Variants in PIEZO1 observed in about 807,000 individuals in gnomAD.
PIEZO1 encodes piezo type mechanosensitive ion channel component 1 (Er blood group), also known as piezo-type mechanosensitive ion channel component 1.
PIEZO1 carries 296 observed loss-of-function variants against 297.2 expected under a neutral mutation model. The ratio of observed to expected loss-of-function variants is 1.00; its 90% CI spans 0.91 to 1.10. PIEZO1 has a LOEUF of 1.10. Among genes scored for constraint, PIEZO1 ranks in the 50% least tolerant of loss-of-function variants. The pLI is 0.00. For missense variants in PIEZO1, 5,018 were observed against 3,455.5 expected (o/e 1.45, Z -11.34); for synonymous variants, 2,427 against 1,507.5 (o/e 1.61, Z -14.13).
Position 88,719,716 on chromosome 16 carries a change from C to T in PIEZO1, c.6329G>A (p.Arg2110Gln), listed in dbSNP as rs556794769. 28 of 1,551,134 alleles carry T rather than the reference C, an allele frequency of 1.8e-5. No individual in the cohort carries two copies. Among genetic ancestry groups the T allele is most frequent in the South Asian group, 4.8e-5 (4 of 84,082 alleles). The change falls in exon 44 of 51, where the codon CGG becomes CAG. Residue 2110 changes from arginine (R) to glutamine (Q), a missense_variant. Arg to Gln is a conservative substitution (Grantham distance 43, BLOSUM62 1). Coordinates refer to ENST00000301015, the MANE Select transcript of PIEZO1 (RefSeq NM_001142864.4). ...CAGCTCCACCAGGAACGGCACCAGCCGGAACCTGCCCACAGCCAGGGTTCC... is the reference window on the plus strand; with the variant it reads ...CAGCTCCACCAGGAACGGCACCAGCTGGAACCTGCCCACAGCCAGGGTTCC... The part of the protein sequence containing the change: ...HLNLFLFQGF[R>Q]LVPFLVELRA...
At chr16:88,749,625 C>T (rs145507882) in intron 1 of PIEZO1, 146 bp from the exon 2 acceptor site, 15 of 616,590 alleles carry the variant, frequency 2.4e-5, no homozygotes, top group Non-Finnish European at 3.9e-5. Flanking sequence ...GTGGAAGCCG[C>T]CTCGCGCTTC....
chr16:88,741,422 G>A, intron 5 of PIEZO1, 56 bp downstream of exon 5: 1 of 1,424,344 alleles, frequency 7.0e-7, no homozygotes, highest in Non-Finnish European at 9.4e-7. Flanking sequence ...CAAAATGGCT[G>A]AGACCACAGC....
intron 1 of PIEZO1, among the ~76,000 whole-genome samples, chr16:88,761,634 C>G (rs1414981249): frequency 1.1e-4 from 16 of 152,132 alleles, no homozygotes; most frequent in Admixed American, 9.8e-4. Flanking sequence ...TGAACGACCC[C>G]CAGCATGGCA....
intron 1 of PIEZO1, among the ~76,000 whole-genome samples, chr16:88,765,969 G>A (rs994292658): frequency 7.2e-5 from 11 of 152,202 alleles, no homozygotes; most frequent in African/African-American, 1.7e-4. Flanking sequence ...CACTGCACCC[G>A]GCCGCTATCT....
chr16:88,760,019 C>T (rs929071211), intron 1 of PIEZO1, among the ~76,000 whole-genome samples: 3 of 152,206 alleles, frequency 2.0e-5, no homozygotes, highest in African/African-American at 4.8e-5. Context: ...ACTCCTTCTC[C>T]GCGCCAATCC....
intron 22 of PIEZO1, 52 bp downstream of exon 22, chr16:88,731,654 G>A (rs1173916074): frequency 7.0e-7 from 1 of 1,419,860 alleles, no homozygotes; most frequent in African/African-American, 1.4e-5. Flanking sequence ...CACCCCCACG[G>A]GCATCCACAA....
At chr16:88,782,398 C>A (rs952343915) in intron 1 of PIEZO1, among the ~76,000 whole-genome samples, 1 of 152,212 alleles carries the variant, frequency 6.6e-6, no homozygotes, top group Non-Finnish European at 1.5e-5. Flanking sequence ...AGGTGTGAGC[C>A]ATCGCGCCCA....
chr16:88,735,234 G>T lies in PIEZO1; in HGVS notation c.1570C>A (p.Leu524Met). The change falls in exon 13 of 51, where the codon CTG (leucine) becomes ATG (methionine). Residue 524 changes from leucine (L) to methionine (M), a missense_variant. By Grantham distance (15) the Leu-to-Met change is conservative (BLOSUM62 2). Transcript: ENST00000301015. The stretch of plus-strand genomic sequence containing the variant: ...TGGCGCAGCAGGAGCCAGAAGGTCA[G>T]GGTGTAGAGCAACTGTGACAAGCGC... The part of the protein sequence containing the change: ...LDLGAMLLYT[L>M]TFWLLLRQFV... The T allele has an allele frequency of 6.5e-7, 1 of 1,549,956 alleles. No individual in the cohort carries two copies. Among genetic ancestry groups the T allele is most frequent in the Non-Finnish European group, 8.7e-7 (1 of 1,146,496 alleles).
intron 5 of PIEZO1, chr16:88,741,251 G>A (rs562455677): frequency 3.6e-4 from 177 of 493,876 alleles, no homozygotes; most frequent in Admixed American, 1.2e-3. Flanking sequence ...ATGTCGGGGC[G>A]TGGAGGTTTC....
rs765257824 is a variant in PIEZO1, at chr16:88,732,466, G to A, written c.2860C>T (p.Arg954Trp). 96 of 1,549,286 alleles carry A rather than the reference G, an allele frequency of 6.2e-5. No homozygotes were observed. The highest frequency in any genetic ancestry group is 1.7e-4 in the Middle Eastern group (1 of 6,000). Residue 954 changes from arginine (R) to tryptophan (W), a missense_variant, in exon 21 of 51, where the codon CGG (arginine) becomes TGG (tryptophan). Physicochemically the swap from Arg to Trp is moderately radical, Grantham distance 101. Transcript: ENST00000301015. ...IVYRRQEHYR[R>W]QHQLAPLPAQ... ...GGCAGCGGGGCCAGCTGGTGCTGCC[G>A]GCGGTAGTGCTCCTGGCGCCGGTAC... is the stretch of plus-strand genomic sequence containing the variant.
Position 88,736,661 on chromosome 16 carries a change from A to C in PIEZO1, c.1274T>G (p.Val425Gly), listed in dbSNP as rs1905238925. The C allele has an allele frequency of 6.5e-7, 1 of 1,532,370 alleles. No homozygotes were observed. Among genetic ancestry groups the C allele is most frequent in the African/African-American group, 1.4e-5 (1 of 72,960 alleles). The allele number at this position is 1,532,370 out of a possible 1,614,324, so 94.9% of individuals were successfully genotyped here. ...TACCATCATGGCAATGAGCGCGCAC[A>C]CATAGCTCTGGTCCATGATGAGGTG... ...LGHLIMDQSY[V>G]CALIAMMVWS... The change falls in exon 11 of 51, where the codon GTG becomes GGG. Residue 425 changes from valine to glycine, a missense_variant. Coordinates refer to ENST00000301015, the MANE Select transcript of PIEZO1 (RefSeq NM_001142864.4).
intron 1 of PIEZO1, among the ~76,000 whole-genome samples, chr16:88,752,607 G>C (rs1457052390): frequency 1.3e-5 from 2 of 152,098 alleles, no homozygotes; most frequent in Non-Finnish European, 2.9e-5. Flanking sequence ...TGAGGCGGGT[G>C]CAGGGGCTGA....
At position 88,722,983 on chromosome 16, in the gene PIEZO1, G is replaced by C; in HGVS notation, c.4522C>G (p.Leu1508Val). The C allele has an allele frequency of 3.2e-6, 5 of 1,539,126 alleles. No individual in the cohort carries two copies. The African/African-American group carries it at 4.1e-5, about 13-fold the overall frequency. The change falls in exon 34 of 51, where the codon CTG becomes GTG. Residue 1508 changes from leucine to valine, a missense_variant. Coordinates refer to ENST00000301015, the MANE Select transcript of PIEZO1 (RefSeq NM_001142864.4). ...AGRSHVVQRV[L>V]STAQFLWMLG... is the part of the protein sequence containing the mutation. ...ATCCACAGGAACTGCGCCGTGCTCAGCACCCTCTGCACCACATGGCTCCGG... is the reference window on the plus strand; with the variant it reads ...ATCCACAGGAACTGCGCCGTGCTCACCACCCTCTGCACCACATGGCTCCGG...
chr16:88,743,703 C>A, intron 2 of PIEZO1: 1 of 452,008 alleles, frequency 2.2e-6, no homozygotes, highest in Non-Finnish European at 4.5e-6. Flanking sequence ...CCCTGCACAT[C>A]CCTAAGCCTG....
At position 88,726,302 on chromosome 16, in the gene PIEZO1, G is replaced by C. The variant is rs1161897945; in HGVS notation, c.3950C>G (p.Thr1317Ser). Residue 1317 changes from threonine (T) to serine (S), a missense_variant, in exon 27 of 51, where the codon ACC (threonine) becomes AGC (serine). Transcript: ENST00000301015. The part of the protein sequence containing the change: ...YLHVRADLQA[T>S]ALLASRGFAL... ...AGCTTGCCTGGAGGCTAGCAGGGCG[G>C]TGGCCTGGAGGTCGGCCCTGACGTG... 4.5e-6 allele frequency: 7 copies of C among 1,549,516 alleles called. No individual in the cohort carries two copies. The highest frequency in any genetic ancestry group is 5.2e-6 in the Non-Finnish European group (6 of 1,146,560).
At position 88,726,808 on chromosome 16, in the gene PIEZO1, G is replaced by A. The variant is rs1281886813; in HGVS notation, c.3606C>T (p.Ala1202=). 1.3e-6 allele frequency: 2 copies of A among 1,550,212 alleles called. No homozygotes were observed. Among genetic ancestry groups the A allele is most frequent in the East Asian group, 2.4e-5 (1 of 40,922 alleles). ...GGGCCCGTGTGTCCCTCTGCAGCAG[G>A]GCCGTGCCGAAGAGCAGCAGGTAGA... is the stretch of plus-strand genomic sequence containing the variant. ...ACFYLLLFGT[A]LLQRDTRARL... The change falls in exon 25 of 51, where the codon GCC becomes GCT. Residue 1202 remains alanine, a synonymous_variant. Transcript: ENST00000301015.
At position 88,727,146 on chromosome 16, in the gene PIEZO1, G is replaced by A. The variant is rs747447819; in HGVS notation, c.3348C>T (p.Phe1116=). The change falls in exon 24 of 51, where the codon TTC becomes TTT. Residue 1116 remains phenylalanine, a synonymous_variant. Transcript: ENST00000301015. ...GCCACTCCTCTGTGCGCTCAGCTGAGAACACCTGCCACTGCTGGGAGGCGC... is the reference window on the plus strand; with the variant it reads ...GCCACTCCTCTGTGCGCTCAGCTGAAAACACCTGCCACTGCTGGGAGGCGC... ...LLCASQQWQV[F]SAERTEEWQR... 7.1e-6 allele frequency: 11 copies of A among 1,549,236 alleles called. No individual in the cohort carries two copies. Among genetic ancestry groups the A allele is most frequent in the Admixed American group, 5.9e-5 (3 of 50,960 alleles).
intron 5 of PIEZO1, chr16:88,740,585 C>G (rs973116883): frequency 6.6e-6 from 1 of 152,408 alleles, no homozygotes; most frequent in Non-Finnish European, 1.5e-5. Flanking sequence ...CAGCCTTGCC[C>G]CATGGGGTGG....
intron 2 of PIEZO1, chr16:88,743,026 A>G (rs9925084): frequency 0.63 from 285,392 of 454,710 alleles, 91,976 homozygotes; most frequent in Non-Finnish European, 0.7. Flanking sequence ...CCTGCTGTGC[A>G]CCAGGTCAGG....
Sources: gnomAD v4.1 joint callset for allele counts (sites outside exome capture counted in the v4.1 genomes callset) on GRCh38, gnomAD v4.1.1 for gene constraint, MANE v1.5 for transcripts, NCBI Gene and HGNC (gene_info 2026-07-23, HGNC 2026-07-21) for gene names.